Variants in JAKMIP3 observed in about 807,000 individuals in gnomAD.
The protein encoded by JAKMIP3 is janus kinase and microtubule-interacting protein 3.
In JAKMIP3, 58 loss-of-function variants were observed where a neutral mutation model predicts 118.5. That is an observed-to-expected ratio of 0.49 (90% CI 0.40 to 0.61). JAKMIP3 has a LOEUF of 0.61. Ranked by LOEUF, JAKMIP3 falls within the 20% of genes least tolerant of loss-of-function variation. The pLI is 0.00. For missense variants in JAKMIP3, 950 were observed against 1,109.0 expected (o/e 0.86, Z 2.04); for synonymous variants, 486 against 451.2 (o/e 1.08, Z -0.98).
intron 11 of JAKMIP3, 140 bp from the exon 12 acceptor site, chr10:132,144,967 T>A: frequency 1.5e-6 from 1 of 660,478 alleles, no homozygotes; most frequent in Non-Finnish European, 2.6e-6. Flanking sequence ...TTAGAAAGCA[T>A]CTCTTCCAAA....
At chr10:132,083,850 T>G (rs1352390968) in intron 1 of JAKMIP3, among the ~76,000 whole-genome samples, 1 of 152,108 alleles carries the variant, frequency 6.6e-6, no homozygotes, top group Non-Finnish European at 1.5e-5. Flanking sequence ...AGTATTTGGG[T>G]TTATTTGAAC....
chr10:132,138,376 G>C (rs60533676), intron 9 of JAKMIP3, among the ~76,000 whole-genome samples, 198 bp downstream of exon 9: 7,403 of 146,826 alleles, frequency 0.05, 406 homozygotes, highest in African/African-American at 0.14. Context: ...GACCGCGCCC[G>C]CGTGTGTGGA....
chr10:132,174,425 A>C (rs779217291), intron 23 of JAKMIP3, among the ~76,000 whole-genome samples: 12 of 151,278 alleles, frequency 7.9e-5, no homozygotes, highest in African/African-American at 2.2e-4. Context: ...CCGTGGGCTC[A>C]GTGGGCTCCG....
intron 9 of JAKMIP3, among the ~76,000 whole-genome samples, chr10:132,139,063 TGTGTGTATGTGTATGTGTGTGTGAGTGC>T (rs1425086841): frequency 1.3e-5 from 2 of 150,510 alleles, no homozygotes; most frequent in African/African-American, 4.9e-5. Context: ...TGTGTGTGTG[TGTGTGTATGTGTATGTGTGTGTGAGTGC>T]GTGTATGTGT....
intron 14 of JAKMIP3, among the ~76,000 whole-genome samples, chr10:132,148,809 G>A (rs985541919): frequency 1.3e-5 from 2 of 152,206 alleles, no homozygotes; most frequent in Admixed American, 1.3e-4. Context: ...GGGCTGGGAG[G>A]AAGTGGCCCA....
chr10:132,075,528 G>T (rs1258586851), intron 1 of JAKMIP3, among the ~76,000 whole-genome samples: 2 of 150,490 alleles, frequency 1.3e-5, no homozygotes, highest in Non-Finnish European at 2.9e-5. Context: ...TTCAATCTCA[G>T]CCTCCCGAGT....
chr10:132,180,720 CGTGTGTGTGCGTGT>C lies in JAKMIP3; in HGVS notation c.*1104-1633_*1104-1620del, dbSNP rs1256783293. ...GCGTGTGTGTGTGCGCGTGTGTGTG[CGTGTGTGTGCGTGT>C]GTGCGTGCGTGCGCGCGCGTGTGTG... On this transcript the variant is annotated intron_variant, in intron 23 of 23. Coordinates refer to ENST00000684848, the MANE Select transcript of JAKMIP3 (RefSeq NM_001323087.2). Among the ~76,000 whole-genome samples, 7 of 17,018 alleles carry C rather than the reference CGTGTGTGTGCGTGT, an allele frequency of 4.1e-4. 3 individuals carry two copies. The highest frequency in any genetic ancestry group is 2.3e-3 in the Admixed American group (3 of 1,292). The allele number at this position is 17,018 out of a possible 152,430, so 11.2% of individuals were successfully genotyped here.
chr10:132,036,548 A>G (rs1395902737), upstream of JAKMIP3, among the ~76,000 whole-genome samples: 3 of 151,790 alleles, frequency 2.0e-5, no homozygotes, highest in Non-Finnish European at 2.9e-5. Context: ...TGCGTGGGGG[A>G]GGATCGCGGC....
chr10:132,134,080 ACCACC>A (rs1212140086), intron 4 of JAKMIP3, among the ~76,000 whole-genome samples: 1 of 151,972 alleles, frequency 6.6e-6, no homozygotes, highest in African/African-American at 2.4e-5. Flanking sequence ...GGGTCTGCCG[ACCACC>A]CCGGGCTGAG....
chr10:132,140,305 T>A (rs1434257837), intron 9 of JAKMIP3, 146 bp from the exon 10 acceptor site: 42 of 890,750 alleles, frequency 4.7e-5, no homozygotes, highest in South Asian at 2.0e-4. Context: ...CCAGGCCACC[T>A]CCTCGGCCTG....
At chr10:132,148,818 C>T (rs769754057) in intron 14 of JAKMIP3, among the ~76,000 whole-genome samples, 15 of 152,160 alleles carry the variant, frequency 9.9e-5, no homozygotes, top group Admixed American at 2.0e-4. Context: ...GGAAGTGGCC[C>T]ACACAGGGGC....
chr10:132,062,308 T>C (rs2038421923), upstream of JAKMIP3, among the ~76,000 whole-genome samples: 1 of 152,350 alleles, frequency 6.6e-6, no homozygotes, highest in Admixed American at 6.5e-5. Context: ...CTTGCAGTGC[T>C]GAAACAGTCA....
chr10:132,090,507 T>C (rs2042963871), intron 1 of JAKMIP3, among the ~76,000 whole-genome samples: 1 of 152,230 alleles, frequency 6.6e-6, no homozygotes, highest in South Asian at 2.1e-4. Context: ...TAGAGGTGTT[T>C]ATAGTATTCT....
In JAKMIP3 at chr10:132,150,017, C is replaced by T. The variant is rs146017132; in HGVS notation, c.1983C>T (p.Asp661=). 1.9e-6 allele frequency: 3 copies of T among 1,593,236 alleles called. No homozygotes were observed. Among genetic ancestry groups the T allele is most frequent in the Non-Finnish European group, 2.6e-6 (3 of 1,173,108 alleles). ...IVVAELMKKL[D]ILGDNAVSNL... is the part of the protein sequence containing the mutation. Reference sequence around the variant, plus strand: ...TTGCGGAGCTGATGAAGAAGCTGGACATCCTGGGCGATAACGCCGTAAGTG... The same window carrying T: ...TTGCGGAGCTGATGAAGAAGCTGGATATCCTGGGCGATAACGCCGTAAGTG... The change falls in exon 16 of 24, where the codon GAC becomes GAT. Residue 661 remains aspartate (D), a synonymous_variant. Coordinates refer to ENST00000684848, the MANE Select transcript of JAKMIP3 (RefSeq NM_001323087.2).
chr10:132,159,730 T>C (rs1452442783), intron 19 of JAKMIP3, among the ~76,000 whole-genome samples: 32 of 71,962 alleles, frequency 4.4e-4, no homozygotes, highest in Admixed American at 1.0e-3. Context: ...GGGCATGTCT[T>C]CCTGTGTGAT....
intron 1 of JAKMIP3, among the ~76,000 whole-genome samples, chr10:132,084,012 A>T (rs1459313806): frequency 1.3e-5 from 2 of 152,094 alleles, no homozygotes; most frequent in African/African-American, 4.8e-5. Context: ...GCTTTTGGCT[A>T]TGTGGGCTCT....
rs1419104812 is a variant in JAKMIP3, at chr10:132,118,726, G to C, written c.633+1152G>C. Reference sequence around the variant, plus strand: ...TCCCTTCCTTTCCAAAGTGGTCCCTGTTCCAACCTCCCCTACACCTCTTCG... The same window carrying C: ...TCCCTTCCTTTCCAAAGTGGTCCCTCTTCCAACCTCCCCTACACCTCTTCG... On this transcript the variant is annotated intron_variant, in intron 3 of 23. Transcript: ENST00000684848. The surrounding 1 kb of genome is among the most constrained non-coding windows in gnomAD (Gnocchi z 4.8). 6.6e-6 allele frequency among the ~76,000 whole-genome samples: 1 copy of C among 152,186 alleles called. No homozygotes were observed. Among genetic ancestry groups the C allele is most frequent in the African/African-American group, 2.4e-5 (1 of 41,428 alleles).
rs915041734 is a variant in JAKMIP3, at chr10:132,118,092, C to T, written c.633+518C>T. ...CCAGAGAGGCGAGATCAGGAGGCCCCGGGGGGTGGGATGGCCCCCAGCTGC... is the reference window on the plus strand; with the variant it reads ...CCAGAGAGGCGAGATCAGGAGGCCCTGGGGGGTGGGATGGCCCCCAGCTGC... On this transcript the variant is annotated intron_variant, in intron 3 of 23. Transcript: ENST00000684848. This position sits in a 1 kb window ranked among gnomAD's most constrained non-coding sequence, Gnocchi z 4.8. Among the ~76,000 whole-genome samples the T allele has an allele frequency of 3.9e-5, 6 of 152,126 alleles. No homozygotes were observed. The highest frequency in any genetic ancestry group is 6.5e-5 in the Admixed American group (1 of 15,276).
intron 1 of JAKMIP3, among the ~76,000 whole-genome samples, chr10:132,076,524 TA>T (rs1464330980): frequency 2.6e-5 from 4 of 152,272 alleles, no homozygotes; most frequent in East Asian, 1.9e-4. Context: ...GGTTTACACC[TA>T]GGGGTGGATG....
Sources: allele counts gnomAD v4.1 joint callset (sites outside exome capture counted in the v4.1 genomes callset), GRCh38; gene constraint gnomAD v4.1.1; non-coding constraint Gnocchi (gnomAD v3.1); transcripts MANE v1.5; gene names NCBI Gene and HGNC (gene_info 2026-07-23, HGNC 2026-07-21).